MGAM2: variants seen among roughly 807,000 people sequenced by gnomAD.
The protein encoded by MGAM2 is probable maltase-glucoamylase 2.
In MGAM2, 98 loss-of-function variants were observed where a neutral mutation model predicts 96.1. That is an observed-to-expected ratio of 1.02 (90% CI 0.87 to 1.21). MGAM2 has a LOEUF of 1.21. Among genes scored for constraint, MGAM2 ranks in the 50% most tolerant of loss-of-function variants. The pLI is 0.00. For synonymous variants in MGAM2, 749 were observed against 414.8 expected, an observed-to-expected ratio of 1.81 and a Z score of -9.79; for missense variants, 2,055 against 1,182.4, an observed-to-expected ratio of 1.74 and a Z score of -10.82.
intron 14 of MGAM2, among the ~76,000 whole-genome samples, chr7:142,147,055 T>C (rs1290759680): frequency 6.6e-6 from 1 of 152,160 alleles, no homozygotes; most frequent in Admixed American, 6.5e-5. Flanking sequence ...TGTGACTGTA[T>C]TATAAAAAAG....
At chr7:142,146,873 G>A (rs547041207) in intron 14 of MGAM2, among the ~76,000 whole-genome samples, 6 of 151,974 alleles carry the variant, frequency 3.9e-5, no homozygotes, top group South Asian at 4.1e-4. Context: ...GACTGTAGGC[G>A]CACACCACCA....
At position 142,154,848 on chromosome 7, in the gene MGAM2, A is replaced by G. The variant is rs1239489342; in HGVS notation, c.1923+3A>G. 1 of 702,938 alleles carries G rather than the reference A, an allele frequency of 1.4e-6. No homozygotes were observed. Among genetic ancestry groups the G allele is most frequent in the East Asian group, 2.7e-5 (1 of 37,290 alleles). The allele number at this position is 702,938 out of a possible 1,614,324, so 43.5% of individuals were successfully genotyped here. A position where few individuals can be genotyped will look rare whatever the true frequency, so the allele number is the denominator to read the frequency against. Reference sequence around the variant, plus strand: ...ATCACAATGGGCCTGGGTTCAGGGTAAGGTCACCAAAAGAAGTGATGGAAA... The same window carrying G: ...ATCACAATGGGCCTGGGTTCAGGGTGAGGTCACCAAAAGAAGTGATGGAAA... On this transcript the variant is annotated splice_donor_region_variant and intron_variant, in intron 17 of 47. Coordinates refer to ENST00000477922, the MANE Select transcript of MGAM2 (RefSeq NM_001293626.2).
chr7:142,173,353 A>G lies in MGAM2; in HGVS notation c.3686A>G (p.Tyr1229Cys), dbSNP rs548975493. 23 of 702,760 alleles carry G rather than the reference A, an allele frequency of 3.3e-5. No homozygotes were observed. The highest frequency in any genetic ancestry group is 1.1e-4 in the East Asian group (4 of 37,270). The allele number at this position is 702,760 out of a possible 1,614,324, so 43.5% of individuals were successfully genotyped here. The change falls in exon 31 of 48, where the codon TAT becomes TGT. Residue 1229 changes from tyrosine (Y) to cysteine (C), a missense_variant and splice_region_variant. Coordinates refer to ENST00000477922, the MANE Select transcript of MGAM2 (RefSeq NM_001293626.2). ...YDAMVAAQIP[Y>C]DVQHVDIDYM... ...GCAATGGTGGCAGCCCAGATTCCCTATGTATGAAACCCTCACTCAGCCCAA... is the reference window on the plus strand; with the variant it reads ...GCAATGGTGGCAGCCCAGATTCCCTGTGTATGAAACCCTCACTCAGCCCAA...
chr7:142,178,077 T>C (rs1270130603), intron 32 of MGAM2, among the ~76,000 whole-genome samples: 1 of 152,214 alleles, frequency 6.6e-6, no homozygotes, highest in Non-Finnish European at 1.5e-5. Flanking sequence ...TGTGAGATGG[T>C]ATCTCTTTGT....
At chr7:142,168,460 G>A (rs906906121) in intron 26 of MGAM2, among the ~76,000 whole-genome samples, 69 of 152,164 alleles carry the variant, frequency 4.5e-4, no homozygotes, top group African/African-American at 1.5e-3. Context: ...AGTAGAGATA[G>A]GATTTCACCA....
chr7:142,185,894 T>G, intron 34 of MGAM2, 95 bp from the exon 35 acceptor site: 1 of 621,192 alleles, frequency 1.6e-6, no homozygotes, highest in East Asian at 2.7e-5. Context: ...GAGCAGAGAC[T>G]GATCTGGGCA....
Position 142,162,024 on chromosome 7 carries a change from AAC to A in MGAM2, c.2484+26_2484+27del. Reference sequence around the variant, plus strand: ...ACCTCTGTAAGTATTTTGTTTGAGGAACACACAGCATATGTTCCTTGCTGGGA... The same window carrying A: ...ACCTCTGTAAGTATTTTGTTTGAGGAACACAGCATATGTTCCTTGCTGGGA... On this transcript the variant is annotated intron_variant, in intron 23 of 47. Coordinates refer to ENST00000477922, the MANE Select transcript of MGAM2 (RefSeq NM_001293626.2). The A allele has an allele frequency of 1.5e-6, 1 of 689,162 alleles. No homozygotes were observed. Among genetic ancestry groups the A allele is most frequent in the South Asian group, 1.6e-5 (1 of 64,256 alleles). The allele number at this position is 689,162 out of a possible 1,614,324, so 42.7% of individuals were successfully genotyped here.
rs1797166085 is a variant in MGAM2 at position 142,199,858 on chromosome 7, CTCTT to C, written c.5049-20_5049-17del. ...CAACCTACAATCTAGAGAAAAATAA[CTCTT>C]TTTTTTTTTTTTGGTAGTCGACAAA... is the stretch of plus-strand genomic sequence containing the variant. On this transcript the variant is annotated intron_variant, in intron 44 of 47. Coordinates refer to ENST00000477922, the MANE Select transcript of MGAM2 (RefSeq NM_001293626.2). 1 of 576,738 alleles carries C rather than the reference CTCTT, an allele frequency of 1.7e-6. No homozygotes were observed. Among genetic ancestry groups the C allele is most frequent in the Non-Finnish European group, 3.0e-6 (1 of 332,220 alleles). The allele number at this position is 576,738 out of a possible 1,614,324, so 35.7% of individuals were successfully genotyped here.
intron 3 of MGAM2, among the ~76,000 whole-genome samples, 172 bp downstream of exon 3, chr7:142,120,553 G>A (rs1794539668): frequency 6.6e-6 from 1 of 151,914 alleles, no homozygotes; most frequent in Non-Finnish European, 1.5e-5. Context: ...AGGGAAGCAG[G>A]GTTGAAAAAA....
At chr7:142,161,842 G>A in intron 22 of MGAM2, 113 bp from the exon 23 acceptor site, 1 of 521,214 alleles carries the variant, frequency 1.9e-6, no homozygotes, top group Non-Finnish European at 3.4e-6. Flanking sequence ...ACAGAACTCA[G>A]ATGAGCAGAA....
chr7:142,218,754 T>C (rs1797838013), intron 47 of MGAM2, among the ~76,000 whole-genome samples: 1 of 152,194 alleles, frequency 6.6e-6, no homozygotes, highest in Non-Finnish European at 1.5e-5. Flanking sequence ...TAGGGGTCAG[T>C]GATCACTGGC....
At chr7:142,187,946 A>G (rs1796750615) in intron 36 of MGAM2, 112 bp downstream of exon 36, 4 of 610,788 alleles carry the variant, frequency 6.5e-6, no homozygotes. Context: ...ATTCTCCAAC[A>G]TGACATGAAA....
chr7:142,217,609 C>A (rs553316108), intron 46 of MGAM2, among the ~76,000 whole-genome samples: 1 of 152,010 alleles, frequency 6.6e-6, no homozygotes, highest in Non-Finnish European at 1.5e-5. Flanking sequence ...TTATAGTAAC[C>A]AGAGGCTGGG....
chr7:142,172,119 G>A lies in MGAM2; in HGVS notation c.3373G>A (p.Val1125Ile), dbSNP rs1307909192. Reference sequence around the variant, plus strand: ...CCAGTACAAGAAGAATTCCTATGGTGTCCACCCTTACTACATGGCACTGGA... The same window carrying A: ...CCAGTACAAGAAGAATTCCTATGGTATCCACCCTTACTACATGGCACTGGA... Reference protein sequence around the residue: ...PPAYKKNSYGVHPYYMALEED... With the variant: ...PPAYKKNSYGIHPYYMALEED... The change falls in exon 29 of 48, where the codon GTC (valine) becomes ATC (isoleucine). Residue 1125 changes from valine to isoleucine, a missense_variant. Transcript: ENST00000477922. The A allele has an allele frequency of 1.4e-6, 1 of 734,364 alleles. No individual in the cohort carries two copies. The highest frequency in any genetic ancestry group is 2.5e-6 in the Non-Finnish European group (1 of 400,356). 45.5% of individuals were successfully genotyped at this position (734,364 alleles called of 1,614,324 possible).
chr7:142,160,414 G>T (rs1421411659), intron 21 of MGAM2, among the ~76,000 whole-genome samples, 156 bp downstream of exon 21: 3 of 152,018 alleles, frequency 2.0e-5, no homozygotes, highest in Non-Finnish European at 2.9e-5. Context: ...TCCAAAATTG[G>T]CATCTTAGTC....
Position 142,197,376 on chromosome 7 carries a change from T to C in MGAM2, c.4633-24T>C, listed in dbSNP as rs1306488161. The C allele has an allele frequency of 1.4e-5, 10 of 702,088 alleles. No individual in the cohort carries two copies. The East Asian group carries it at 2.1e-4, about 15-fold the overall frequency. The allele number at this position is 702,088 out of a possible 1,614,324, so 43.5% of individuals were successfully genotyped here. ...GATGGAATGAAGAAGAGGTGATCCA[T>C]TATATGCTTCTTTATCCTTACAGAG... is the stretch of plus-strand genomic sequence containing the variant. On this transcript the variant is annotated intron_variant, in intron 40 of 47. Transcript: ENST00000477922.
At chr7:142,131,836 C>T (rs572911893) in intron 5 of MGAM2, 95 bp from the exon 6 acceptor site, 9 of 624,500 alleles carry the variant, frequency 1.4e-5, no homozygotes, top group African/African-American at 9.1e-5. Context: ...AAGCTATTCT[C>T]ATGGGGTGTC....
intron 44 of MGAM2, 115 bp from the exon 45 acceptor site, chr7:142,199,765 C>A: frequency 2.2e-6 from 1 of 462,812 alleles, no homozygotes; most frequent in Non-Finnish European, 3.8e-6. Context: ...ACTTTATATG[C>A]ATATTTAATA....
chr7:142,154,972 T>C (rs1207665696), intron 17 of MGAM2, 127 bp downstream of exon 17: 2 of 621,468 alleles, frequency 3.2e-6, no homozygotes, highest in Admixed American at 2.6e-5. Context: ...AAAAGTCTTG[T>C]ATCATAGCCT....
Sources: allele counts gnomAD v4.1 joint callset (sites outside exome capture counted in the v4.1 genomes callset), GRCh38; gene constraint gnomAD v4.1.1; transcripts MANE v1.5; gene names NCBI Gene and HGNC (gene_info 2026-07-23, HGNC 2026-07-21).